The following NOS2 variants were observed in gnomAD, a reference collection of about 807,000 sequenced individuals.
NOS2 encodes nitric oxide synthase, inducible.
In NOS2, 96 loss-of-function variants were observed where a neutral mutation model predicts 136.0. The observed-to-expected ratio is 0.71, with a 90% CI of 0.60 to 0.84. The LOEUF (loss-of-function observed/expected upper bound fraction) is 0.84. Among genes scored for constraint, NOS2 ranks in the 40% least tolerant of loss-of-function variants. NOS2 has a pLI of 0.00. For missense variants in NOS2, 1,237 were observed against 1,496.9 expected (o/e 0.83, Z 2.87); for synonymous variants, 539 against 587.5 (o/e 0.92, Z 1.20).
chr17:27,771,065 C>T (rs1226043118), intron 14 of NOS2, 48 bp from the exon 15 acceptor site: 1 of 1,373,888 alleles, frequency 7.3e-7, no homozygotes, highest in Non-Finnish European at 1.0e-6. Context: ...CAGTAGGGCC[C>T]TCCCTACCCT....
At chr17:27,792,577 C>G (rs757355070) in intron 2 of NOS2, among the ~76,000 whole-genome samples, 2 of 152,094 alleles carry the variant, frequency 1.3e-5, no homozygotes, top group Non-Finnish European at 2.9e-5. Flanking sequence ...CTGGACACTT[C>G]TTTCCAAATT....
chr17:27,757,174 G>T lies in NOS2; in HGVS notation c.*72C>A, dbSNP rs908010365. Reference sequence around the variant, plus strand: ...TTTCCTCCATCTCCCCAGGCCCTGTGACCTCAGATAATGCAGAGCTGGCTC... The same window carrying T: ...TTTCCTCCATCTCCCCAGGCCCTGTTACCTCAGATAATGCAGAGCTGGCTC... On this transcript the variant is annotated 3_prime_UTR_variant, in exon 27 of 27. Coordinates refer to ENST00000313735, the MANE Select transcript of NOS2 (RefSeq NM_000625.4). 1.6e-6 allele frequency: 2 copies of T among 1,217,662 alleles called. No individual in the cohort carries two copies. Among genetic ancestry groups the T allele is most frequent in the Non-Finnish European group, 2.4e-6 (2 of 841,716 alleles). 75.4% of individuals were successfully genotyped at this position (1,217,662 alleles called of 1,614,324 possible).
chr17:27,784,445 C>T (rs1185612612), intron 5 of NOS2, among the ~76,000 whole-genome samples: 1 of 152,282 alleles, frequency 6.6e-6, no homozygotes, highest in East Asian at 1.9e-4. Flanking sequence ...AGACCTCCCT[C>T]CCCAAACAAA....
Position 27,760,703 on chromosome 17 carries a change from C to A in NOS2, c.2930G>T (p.Cys977Phe), listed in dbSNP as rs1211325097. 1.3e-6 allele frequency: 2 copies of A among 1,550,618 alleles called. No homozygotes were observed. The highest frequency in any genetic ancestry group is 1.7e-6 in the Non-Finnish European group (2 of 1,147,084). Reference protein sequence around the residue: ...FHLPEDPSHPCILIGPGTGIA... With the variant: ...FHLPEDPSHPFILIGPGTGIA... ...GCCTGTGCCAGGCCCGATGAGGATG[C>A]AAGGATGGGAGGGATCCTCGGGGAG... Residue 977 changes from cysteine to phenylalanine, a missense_variant, in exon 24 of 27, where the codon TGC becomes TTC. This residue lies in a region of NOS2 where 782 missense variants were observed against 909.9 expected (regional missense o/e 0.86). Transcript: ENST00000313735.
At chr17:27,799,497 T>C (rs938166729) in intron 1 of NOS2, among the ~76,000 whole-genome samples, 1 of 152,162 alleles carries the variant, frequency 6.6e-6, no homozygotes, top group Non-Finnish European at 1.5e-5. Flanking sequence ...AAGAGGAAGA[T>C]CAAAGAGGCA....
At chr17:27,785,957 CAAAAAAAAAA>C (rs1170004221) in intron 5 of NOS2, among the ~76,000 whole-genome samples, 4 of 39,792 alleles carry the variant, frequency 1.0e-4, no homozygotes, top group Admixed American at 3.3e-4. Context: ...GACCGAGTCT[CAAAAAAAAAA>C]AAAAAAAAAA....
chr17:27,791,787 C>A (rs148537480), intron 2 of NOS2, among the ~76,000 whole-genome samples: 2,910 of 108,580 alleles, frequency 0.027, 94 homozygotes, highest in South Asian at 0.033. Flanking sequence ...CAAAACAAAA[C>A]AAAACAAAAC....
chr17:27,779,647 A>C lies in NOS2; in HGVS notation c.1005-591T>G, dbSNP rs781740097. Among the ~76,000 whole-genome samples, 3 of 152,188 alleles carry C rather than the reference A, an allele frequency of 2.0e-5. No homozygotes were observed. In the East Asian group the frequency reaches 5.8e-4, roughly 29 times the overall value. ...TGCACTCATTCATTCATGCAAACCT[A>C]TATTAAGCTTCAAGTATGTGCCAGG... On this transcript the variant is annotated intron_variant, in intron 9 of 26. Coordinates refer to ENST00000313735, the MANE Select transcript of NOS2 (RefSeq NM_000625.4).
At chr17:27,793,261 T>C (rs1909248818) in intron 2 of NOS2, among the ~76,000 whole-genome samples, 1 of 152,156 alleles carries the variant, frequency 6.6e-6, no homozygotes, top group Admixed American at 6.5e-5. Flanking sequence ...CCTTGCTCTC[T>C]TAACCATATT....
chr17:27,760,495 A>AC, intron 24 of NOS2, 128 bp downstream of exon 24: 1 of 1,289,460 alleles, frequency 7.8e-7, no homozygotes, highest in East Asian at 2.5e-5. Context: ...AGAGGCCCGC[A>AC]CAGGGAAGCA....
intron 9 of NOS2, 118 bp downstream of exon 9, chr17:27,780,649 G>T: frequency 7.5e-7 from 1 of 1,335,592 alleles, no homozygotes; most frequent in Non-Finnish European, 1.1e-6. Flanking sequence ...CCCCCTGAGT[G>T]TCACCTGCTG....
At position 27,798,652 on chromosome 17, in the gene NOS2, A is replaced by C. The variant is rs3730015; in HGVS notation, c.110+48T>G. ...TCTGAGTCATCGGTGCCGACAGGGCATGGGTGCCCAAGGAGACAAGCAGGA... is the reference window on the plus strand; with the variant it reads ...TCTGAGTCATCGGTGCCGACAGGGCCTGGGTGCCCAAGGAGACAAGCAGGA... On this transcript the variant is annotated intron_variant, in intron 2 of 26. Coordinates refer to ENST00000313735, the MANE Select transcript of NOS2 (RefSeq NM_000625.4). 1,390 of 1,168,744 alleles carry C rather than the reference A, an allele frequency of 1.2e-3. 1 individual carries two copies. The highest frequency in any genetic ancestry group is 1.6e-3 in the Non-Finnish European group (1,250 of 773,416). 72.4% of individuals were successfully genotyped at this position (1,168,744 alleles called of 1,614,324 possible). A position where few individuals can be genotyped will look rare whatever the true frequency, so the allele number is the denominator to read the frequency against.
At chr17:27,773,106 AG>A in intron 13 of NOS2, 54 bp downstream of exon 13, 3 of 1,342,120 alleles carry the variant, frequency 2.2e-6, no homozygotes, top group Non-Finnish European at 3.2e-6. Flanking sequence ...GAGGCTGACT[AG>A]AAGGGAGAGA....
chr17:27,798,577 C>G, intron 2 of NOS2, 123 bp downstream of exon 2: 1 of 679,462 alleles, frequency 1.5e-6, no homozygotes, highest in Non-Finnish European at 2.7e-6. Context: ...TTTCAAGAAG[C>G]AATGAGGAGA....
rs1301472117 is a variant in NOS2, at chr17:27,759,001, G to A, written c.3234C>T (p.His1078=). Residue 1078 remains histidine, a synonymous_variant, in exon 26 of 27, where the codon CAC becomes CAT. Coordinates refer to ENST00000313735, the MANE Select transcript of NOS2 (RefSeq NM_000625.4). ...TGCGCACATCCCCGCAAACATAGAG[G>A]TGGCCTGGCTCCTTGTGGAGCACAC... The part of the protein sequence containing the change: ...VLRVLHKEPG[H]LYVCGDVRMA... 1 of 1,612,942 alleles carries A rather than the reference G, an allele frequency of 6.2e-7. No homozygotes were observed. Among genetic ancestry groups the A allele is most frequent in the East Asian group, 2.2e-5 (1 of 44,850 alleles).
chr17:27,759,972 A>G (rs1445099778), intron 25 of NOS2, 58 bp downstream of exon 25: 8 of 1,431,650 alleles, frequency 5.6e-6, no homozygotes, highest in Middle Eastern at 4.0e-4. Context: ...GTGGGGACCC[A>G]GGGCTCACAG....
chr17:27,795,749 A>G (rs765259611), intron 2 of NOS2, among the ~76,000 whole-genome samples: 5 of 152,208 alleles, frequency 3.3e-5, no homozygotes, highest in East Asian at 1.9e-4. Context: ...GGAGAGTTGA[A>G]TGAATTGATG....
At chr17:27,774,592 T>C (rs1304256398) in intron 11 of NOS2, 141 bp from the exon 12 acceptor site, 1 of 507,690 alleles carries the variant, frequency 2.0e-6, no homozygotes, top group East Asian at 3.4e-5. Flanking sequence ...GCCCTCTCCT[T>C]GCCTGCTGAA....
intron 2 of NOS2, among the ~76,000 whole-genome samples, chr17:27,795,889 G>C (rs1909339541): frequency 6.6e-6 from 1 of 152,148 alleles, no homozygotes; most frequent in Admixed American, 6.5e-5. Flanking sequence ...TGCAGCTCAG[G>C]GCCCTCCCTG....
Sources: allele counts gnomAD v4.1 joint callset (sites outside exome capture counted in the v4.1 genomes callset), GRCh38; gene constraint gnomAD v4.1.1; regional missense constraint gnomAD v4.1.1; transcripts MANE v1.5; gene names NCBI Gene and HGNC (gene_info 2026-07-23, HGNC 2026-07-21).